Variants in DIAPH3 observed in about 807,000 individuals in gnomAD.
DIAPH3 encodes the protein diaphanous related formin 3.
Under a neutral mutation model 144.3 loss-of-function variants are expected in DIAPH3, and 117 were observed. The observed-to-expected ratio is 0.81, with a 90% CI of 0.70 to 0.95. The LOEUF is 0.95. Ranked by LOEUF, DIAPH3 falls within the 40% of genes least tolerant of loss-of-function variation. The pLI, the probability that DIAPH3 is intolerant of heterozygous loss-of-function variation, is 0.00. For missense variants in DIAPH3, 1,421 were observed against 1,412.7 expected (o/e 1.01, Z -0.09); for synonymous variants, 519 against 488.9 (o/e 1.06, Z -0.81).
At chr13:59,884,316 G>A (rs1044947376) in intron 20 of DIAPH3, among the ~76,000 whole-genome samples, 1 of 152,118 alleles carries the variant, frequency 6.6e-6, no homozygotes, top group Non-Finnish European at 1.5e-5. Flanking sequence ...ATTATGGTGA[G>A]TTGTATAATT....
intron 5 of DIAPH3, among the ~76,000 whole-genome samples, chr13:60,027,941 C>G (rs2054497258): frequency 6.6e-6 from 1 of 152,094 alleles, no homozygotes; most frequent in Non-Finnish European, 1.5e-5. Context: ...TCACTACTAC[C>G]CAATGCTGGT....
intron 24 of DIAPH3, among the ~76,000 whole-genome samples, chr13:59,811,610 G>A (rs1179847697): frequency 2.0e-5 from 3 of 151,670 alleles, no homozygotes; most frequent in African/African-American, 7.3e-5. Flanking sequence ...GGTGGCGGGT[G>A]CCTGTAATCC....
intron 17 of DIAPH3, among the ~76,000 whole-genome samples, chr13:59,933,635 T>C (rs2140342712): frequency 6.6e-6 from 1 of 152,330 alleles, no homozygotes; most frequent in South Asian, 2.1e-4. Context: ...TCTTACTTCC[T>C]AGAGATGCTG....
At chr13:59,872,066 C>T (rs1030138530) in intron 21 of DIAPH3, among the ~76,000 whole-genome samples, 4 of 152,198 alleles carry the variant, frequency 2.6e-5, no homozygotes, top group Non-Finnish European at 5.9e-5. Context: ...TTTTCTGTAT[C>T]AATTTCATTG....
intron 27 of DIAPH3, among the ~76,000 whole-genome samples, chr13:59,773,795 C>T (rs17057268): frequency 0.054 from 7,569 of 140,626 alleles, 258 homozygotes; most frequent in Admixed American, 0.12. Context: ...TTTCTAACTG[C>T]ACTGGCAAAT....
chr13:59,724,410 C>T (rs1188600496), intron 27 of DIAPH3, among the ~76,000 whole-genome samples: 1 of 152,092 alleles, frequency 6.6e-6, no homozygotes, highest in African/African-American at 2.4e-5. Context: ...TATGGGTAAT[C>T]CACGGCCTTA....
intron 4 of DIAPH3, among the ~76,000 whole-genome samples, chr13:60,092,378 C>T (rs897289390): frequency 2.0e-5 from 3 of 152,132 alleles, no homozygotes; most frequent in African/African-American, 7.2e-5. Context: ...AAAGGCCGGG[C>T]GCAGTGGCTC....
rs1422171515 is a variant in DIAPH3, at chr13:59,810,902, T to G, written c.3049A>C (p.Lys1017Gln). 3.2e-6 allele frequency: 5 copies of G among 1,575,634 alleles called. No homozygotes were observed. The highest frequency in any genetic ancestry group is 4.3e-6 in the Non-Finnish European group (5 of 1,167,712). The change falls in exon 25 of 28, where the codon AAA becomes CAA. Residue 1017 changes from lysine to glutamine, a missense_variant. Physicochemically the swap from Lys to Gln is moderately conservative, Grantham distance 53. Coordinates refer to ENST00000400324, the MANE Select transcript of DIAPH3 (RefSeq NM_001042517.2). ...TCTTTTTCCTCTGCTTCTCTTTTTT[T>G]GATATTCTCCTTTATTGCTTGCTAA... ...TFMQAIKENI[K>Q]KREAEEKEKR...
rs1253015122 is a variant in DIAPH3 at position 59,850,177 on chromosome 13, G to A, written c.2738-10729C>T. On this transcript the variant is annotated intron_variant, in intron 22 of 27. Coordinates refer to ENST00000400324, the MANE Select transcript of DIAPH3 (RefSeq NM_001042517.2). ...TTTTTGTACATTGATTTTGTATCCT[G>A]AGACTTTGCTGAAGTTGCTTCTCAG... Among the ~76,000 whole-genome samples the A allele has an allele frequency of 2.0e-5, 3 of 152,156 alleles. No individual in the cohort carries two copies. In the East Asian group the frequency reaches 5.8e-4, roughly 29 times the overall value.
intron 1 of DIAPH3, among the ~76,000 whole-genome samples, chr13:60,135,518 A>C (rs1481351230): frequency 6.6e-6 from 1 of 152,160 alleles, no homozygotes; most frequent in Non-Finnish European, 1.5e-5. Flanking sequence ...AAAGAAGGTC[A>C]AATTCATCAT....
At chr13:59,755,765 T>C (rs2037224216) in intron 27 of DIAPH3, among the ~76,000 whole-genome samples, 2 of 152,146 alleles carry the variant, frequency 1.3e-5, no homozygotes, top group African/African-American at 2.4e-5. Flanking sequence ...TAAGGCTCCA[T>C]ATTGGAGCCA....
chr13:59,712,488 T>C (rs769226314), intron 27 of DIAPH3, among the ~76,000 whole-genome samples: 41 of 152,208 alleles, frequency 2.7e-4, no homozygotes, highest in Non-Finnish European at 4.9e-4. Context: ...GCTACCACTA[T>C]CTCTTATCTG....
intron 20 of DIAPH3, among the ~76,000 whole-genome samples, chr13:59,898,961 A>C (rs2046285210): frequency 6.6e-6 from 1 of 152,150 alleles, no homozygotes; most frequent in African/African-American, 2.4e-5. Flanking sequence ...GGCTAGGATA[A>C]AAGTAGGCAG....
At position 59,971,175 on chromosome 13, in the gene DIAPH3, A is replaced by T; in HGVS notation, c.1651-15T>A. ...AAGGCACCAAACTGGAGAAAAAAAC[A>T]ATAAGAGACATAACTAAGAACATAT... On this transcript the variant is annotated splice_polypyrimidine_tract_variant and intron_variant, in intron 15 of 27. Transcript: ENST00000400324. The T allele has an allele frequency of 1.3e-6, 2 of 1,556,362 alleles. No individual in the cohort carries two copies. The highest frequency in any genetic ancestry group is 4.8e-5 in the East Asian group (2 of 41,558).
intron 23 of DIAPH3, chr13:59,839,046 G>T (rs925502557): frequency 6.5e-6 from 2 of 308,748 alleles, no homozygotes; most frequent in Admixed American, 8.4e-5. Context: ...GGGAAGCAGA[G>T]GTTGCAGTGA....
intron 25 of DIAPH3, among the ~76,000 whole-genome samples, chr13:59,802,059 T>G (rs994394118): frequency 6.6e-6 from 1 of 152,276 alleles, no homozygotes; most frequent in African/African-American, 2.4e-5. Flanking sequence ...AAGGATTTAA[T>G]GTCAGAATGA....
intron 21 of DIAPH3, among the ~76,000 whole-genome samples, chr13:59,877,033 T>C (rs75310081): frequency 0.036 from 5,517 of 152,162 alleles, 120 homozygotes; most frequent in Non-Finnish European, 0.049. Flanking sequence ...CCTCAAACCC[T>C]TCTGCCGTTA....
intron 4 of DIAPH3, among the ~76,000 whole-genome samples, chr13:60,087,859 T>C (rs2057800259): frequency 6.6e-6 from 1 of 151,974 alleles, no homozygotes; most frequent in Non-Finnish European, 1.5e-5. Context: ...TGGGATGGGC[T>C]ATCCTTCGAT....
At chr13:59,896,335 G>A (rs1050572422) in intron 20 of DIAPH3, among the ~76,000 whole-genome samples, 1 of 152,138 alleles carries the variant, frequency 6.6e-6, no homozygotes, top group East Asian at 1.9e-4. Flanking sequence ...CATTTGATGC[G>A]ATATTATGCC....
Sources: gnomAD v4.1 joint callset for allele counts (sites outside exome capture counted in the v4.1 genomes callset) on GRCh38, gnomAD v4.1.1 for gene constraint, MANE v1.5 for transcripts, NCBI Gene and HGNC (gene_info 2026-07-23, HGNC 2026-07-21) for gene names.